Variants in ERC2 observed in about 807,000 individuals in gnomAD.
ERC2 encodes ERC protein 2.
A neutral mutation model predicts 114.8 loss-of-function variants in ERC2; 42 were observed. The observed-to-expected ratio is 0.37, with a 90% CI of 0.29 to 0.47. The LOEUF (loss-of-function observed/expected upper bound fraction) is 0.47, where lower values mean the gene tolerates loss of function less well. ERC2 is among the 20% of genes least tolerant of loss of function. The probability of loss-of-function intolerance (pLI) is 0.99; values close to 1 mark genes in which losing one functional copy is unlikely to be tolerated. For missense variants in ERC2, 939 were observed against 1,150.7 expected (o/e 0.82, Z 2.66); for synonymous variants, 454 against 425.5 (o/e 1.07, Z -0.82).
chr3:56,436,262 G>A (rs973751399), intron 1 of ERC2, among the ~76,000 whole-genome samples: 3 of 152,134 alleles, frequency 2.0e-5, no homozygotes, highest in East Asian at 1.9e-4. Context: ...AACTTGTTAT[G>A]AGCTTCCACT....
chr3:56,247,684 T>C (rs1341723134), intron 3 of ERC2, among the ~76,000 whole-genome samples: 1 of 152,220 alleles, frequency 6.6e-6, no homozygotes, highest in Non-Finnish European at 1.5e-5. Flanking sequence ...AATGAGCCCC[T>C]GAGCTGAAAA....
rs775838556 is a variant in ERC2 at position 55,952,179 on chromosome 3, ACTCT to A, written c.2268-1623_2268-1620del. Among the ~76,000 whole-genome samples the A allele has an allele frequency of 2.9e-3, 182 of 62,040 alleles. 3 individuals are homozygous for A. The highest frequency in any genetic ancestry group is 7.3e-3 in the African/African-American group (133 of 18,184). The allele number at this position is 62,040 out of a possible 152,430, so 40.7% of individuals were successfully genotyped here. On this transcript the variant is annotated intron_variant, in intron 12 of 17. Coordinates refer to ENST00000288221, the MANE Select transcript of ERC2 (RefSeq NM_015576.3). ...CACACACACACACACACACACACAC[ACTCT>A]CTCTCTCTCTCTCTCTATATATATA...
chr3:56,039,647 C>T (rs915969298), intron 7 of ERC2, among the ~76,000 whole-genome samples: 1 of 151,266 alleles, frequency 6.6e-6, no homozygotes, highest in Non-Finnish European at 1.5e-5. Flanking sequence ...AAAAAAAAAT[C>T]CTAAAACTCA....
At chr3:55,538,588 G>A (rs1000351451) in intron 17 of ERC2, among the ~76,000 whole-genome samples, 7 of 152,060 alleles carry the variant, frequency 4.6e-5, no homozygotes, top group Non-Finnish European at 8.8e-5. Flanking sequence ...GTGCTTTAAC[G>A]AACGCTTTTG....
chr3:55,566,382 G>A (rs148060346), intron 17 of ERC2, among the ~76,000 whole-genome samples: 2,054 of 151,778 alleles, frequency 0.014, 30 homozygotes, highest in Middle Eastern at 0.024. Context: ...TTCAATGAAT[G>A]CTTGCTGTTA....
At chr3:56,168,282 C>T (rs2082429733) in intron 4 of ERC2, among the ~76,000 whole-genome samples, 1 of 152,122 alleles carries the variant, frequency 6.6e-6, no homozygotes, top group Non-Finnish European at 1.5e-5. Flanking sequence ...ATGTTGCTGT[C>T]ATTGGGTATT....
intron 14 of ERC2, among the ~76,000 whole-genome samples, chr3:55,879,682 A>G (rs148774885): frequency 6.6e-6 from 1 of 152,348 alleles, no homozygotes; most frequent in East Asian, 1.9e-4. Flanking sequence ...TTTACTGCTA[A>G]GTGACATAAC....
At position 55,672,315 on chromosome 3, in the gene ERC2, G is replaced by A. The variant is rs145960797; in HGVS notation, c.*39+11479C>T. Among the ~76,000 whole-genome samples the A allele has an allele frequency of 1.1e-4, 16 of 150,542 alleles. No individual in the cohort carries two copies. The East Asian group carries it at 2.8e-3, about 26-fold the overall frequency. ...GATCACACCATTGCACTCCAGCCTC[G>A]GTGACAGAGGAGGACCCTATCTCAA... On this transcript the variant is annotated intron_variant, in intron 17 of 17. Transcript: ENST00000288221.
At chr3:55,702,789 G>T (rs2063295386) in intron 15 of ERC2, among the ~76,000 whole-genome samples, 1 of 152,138 alleles carries the variant, frequency 6.6e-6, no homozygotes, top group African/African-American at 2.4e-5. Context: ...TGCTTGAGGT[G>T]CCCGCTGAAA....
intron 7 of ERC2, among the ~76,000 whole-genome samples, chr3:56,067,181 T>G (rs191825235): frequency 6.7e-4 from 102 of 152,342 alleles, no homozygotes; most frequent in African/African-American, 2.4e-3. Flanking sequence ...TTCTTCCTAT[T>G]AACGAGGATG....
chr3:55,747,742 C>A (rs1406179936), intron 14 of ERC2, among the ~76,000 whole-genome samples: 2 of 152,180 alleles, frequency 1.3e-5, no homozygotes, highest in Non-Finnish European at 2.9e-5. Context: ...AGAGGAGGCA[C>A]AAGAGCATAC....
chr3:55,997,939 T>TTTTTTTTTTG (rs2071721019), intron 10 of ERC2, among the ~76,000 whole-genome samples: 1 of 116,538 alleles, frequency 8.6e-6, no homozygotes, highest in Non-Finnish European at 1.7e-5. Context: ...GTTTTTTTTT[T>TTTTTTTTTTG]TTTTTTGGTA....
At chr3:56,020,113 A>G (rs781328430) in intron 7 of ERC2, among the ~76,000 whole-genome samples, 9 of 152,182 alleles carry the variant, frequency 5.9e-5, no homozygotes, top group Non-Finnish European at 8.8e-5. Flanking sequence ...GATTACAATG[A>G]CAATGGAGGT....
chr3:55,743,593 C>CAAAAAAAAAAAAAAAAAA (rs367859231), intron 14 of ERC2, among the ~76,000 whole-genome samples: 24 of 97,172 alleles, frequency 2.5e-4, no homozygotes, highest in East Asian at 3.0e-4. Context: ...CCTGATCCAC[C>CAAAAAAAAAAAAAAAAAA]AAAAAAAAAA....
At chr3:55,866,862 C>T (rs1313381694) in intron 14 of ERC2, among the ~76,000 whole-genome samples, 2 of 152,068 alleles carry the variant, frequency 1.3e-5, no homozygotes, top group Non-Finnish European at 2.9e-5. Flanking sequence ...TGTTCATCAT[C>T]AAGTCACTGT....
chr3:55,987,423 A>G (rs2070722596), intron 11 of ERC2, among the ~76,000 whole-genome samples: 1 of 152,214 alleles, frequency 6.6e-6, no homozygotes, highest in Non-Finnish European at 1.5e-5. Flanking sequence ...GGTGTCTGTG[A>G]TGTCCGTGAC....
chr3:55,609,263 C>A (rs7620856), intron 17 of ERC2, among the ~76,000 whole-genome samples: 1 of 151,992 alleles, frequency 6.6e-6, no homozygotes, highest in African/African-American at 2.4e-5. Flanking sequence ...TTCACCTGCA[C>A]GGCACAAGGT....
chr3:55,954,109 A>G (rs1339986420), intron 12 of ERC2, among the ~76,000 whole-genome samples: 13 of 137,704 alleles, frequency 9.4e-5, no homozygotes, highest in Admixed American at 3.8e-4. Flanking sequence ...AAAAAAAAAA[A>G]AAAGGTTTCT....
chr3:56,467,693 C>A (rs1400033997), intron 1 of ERC2, among the ~76,000 whole-genome samples: 8 of 152,000 alleles, frequency 5.3e-5, no homozygotes. Flanking sequence ...TAGCCCTCCC[C>A]GATAAATCGG....
Sources: allele counts gnomAD v4.1 joint callset (sites outside exome capture counted in the v4.1 genomes callset), GRCh38; gene constraint gnomAD v4.1.1; transcripts MANE v1.5; gene names NCBI Gene and HGNC (gene_info 2026-07-23, HGNC 2026-07-21).